Variants in PLCB1 observed in about 807,000 individuals in gnomAD.
PLCB1 encodes phospholipase C beta 1.
PLCB1 carries 46 observed loss-of-function variants against 161.8 expected under a neutral mutation model. The observed-to-expected ratio is 0.28, with a 90% CI of 0.22 to 0.36. The LOEUF is 0.36. PLCB1 is among the 10% of genes least tolerant of loss of function. The probability of loss-of-function intolerance (pLI) is 1.00; values close to 1 mark genes in which losing one functional copy is unlikely to be tolerated. For missense variants in PLCB1, 1,016 were observed against 1,472.5 expected (o/e 0.69, Z 5.07); for synonymous variants, 517 against 503.7 (o/e 1.03, Z -0.35).
At chr20:8,258,291 A>G (rs1981525753) in intron 2 of PLCB1, among the ~76,000 whole-genome samples, 1 of 152,188 alleles carries the variant, frequency 6.6e-6, no homozygotes, top group East Asian at 1.9e-4. Flanking sequence ...CCACAAAGAA[A>G]AGAAAGTGAT....
chr20:8,242,558 A>G (rs1980674584), intron 2 of PLCB1, among the ~76,000 whole-genome samples: 1 of 151,946 alleles, frequency 6.6e-6, no homozygotes, highest in Non-Finnish European at 1.5e-5. Context: ...TGTTTGATAT[A>G]TGGCAAGTTG....
At chr20:8,426,675 G>A (rs1979790017) in intron 3 of PLCB1, among the ~76,000 whole-genome samples, 1 of 152,138 alleles carries the variant, frequency 6.6e-6, no homozygotes, top group Admixed American at 6.6e-5. Context: ...TGTTAAATAA[G>A]TAGGTTTTAG....
intron 3 of PLCB1, among the ~76,000 whole-genome samples, chr20:8,474,917 G>A (rs995902925): frequency 2.0e-5 from 3 of 151,644 alleles, no homozygotes; most frequent in Admixed American, 1.3e-4. Context: ...CCTGAAGTTC[G>A]CCAGGTATGA....
At chr20:8,864,047 T>C (rs6086662) in intron 31 of PLCB1, among the ~76,000 whole-genome samples, 45,389 of 152,120 alleles carry the variant, frequency 0.3, 7,771 homozygotes, top group East Asian at 0.65. Context: ...ATGTTTTATT[T>C]TTCTTGGCAT....
chr20:8,547,345 A>G (rs6086496), intron 3 of PLCB1, among the ~76,000 whole-genome samples: 47,332 of 152,014 alleles, frequency 0.31, 8,038 homozygotes, highest in Non-Finnish European at 0.38. Flanking sequence ...CTAATTGTCC[A>G]CCACAGATTT....
chr20:8,213,294 G>T (rs894893618), intron 2 of PLCB1, among the ~76,000 whole-genome samples: 1 of 152,184 alleles, frequency 6.6e-6, no homozygotes. Context: ...TGCGAAGGGT[G>T]AATACAGAAG....
Position 8,746,681 on chromosome 20 carries a change from A to G in PLCB1, c.2523+5108A>G, listed in dbSNP as rs188002512. ...ACTGTATTCACTCACTTAAGTCTTAAAACCTCCGGATGTCCTAATTACCAT... is the reference window on the plus strand; with the variant it reads ...ACTGTATTCACTCACTTAAGTCTTAGAACCTCCGGATGTCCTAATTACCAT... On this transcript the variant is annotated intron_variant, in intron 23 of 31. Transcript: ENST00000338037. 4.1e-4 allele frequency among the ~76,000 whole-genome samples: 62 copies of G among 152,274 alleles called. No homozygotes were observed. The East Asian group carries it at 8.9e-3, about 22-fold the overall frequency.
intron 3 of PLCB1, among the ~76,000 whole-genome samples, chr20:8,585,547 G>T (rs911887381): frequency 6.6e-6 from 1 of 152,142 alleles, no homozygotes; most frequent in Admixed American, 6.5e-5. Context: ...CTACCATATC[G>T]GTTCATGTCT....
intron 3 of PLCB1, among the ~76,000 whole-genome samples, chr20:8,476,469 C>T (rs1416972673): frequency 1.3e-5 from 2 of 152,192 alleles, no homozygotes; most frequent in African/African-American, 4.8e-5. Flanking sequence ...TAATATTCTA[C>T]TCATATTATT....
intron 1 of PLCB1, among the ~76,000 whole-genome samples, chr20:8,139,155 C>T (rs1279387850): frequency 3.6e-5 from 5 of 137,216 alleles, no homozygotes; most frequent in South Asian, 2.4e-4. Flanking sequence ...GGCACCATCT[C>T]GGCTCACTGC....
chr20:8,148,940 T>C (rs1600199012), intron 1 of PLCB1, among the ~76,000 whole-genome samples: 2 of 152,302 alleles, frequency 1.3e-5, no homozygotes, highest in East Asian at 3.9e-4. Context: ...GAGGAGTTAG[T>C]GTTTAATGCA....
At chr20:8,871,627 A>C (rs529445355) in intron 31 of PLCB1, among the ~76,000 whole-genome samples, 4 of 152,300 alleles carry the variant, frequency 2.6e-5, no homozygotes, top group African/African-American at 9.6e-5. Flanking sequence ...AGGGCCTTGC[A>C]TGGGTCAGAG....
At chr20:8,502,660 G>T (rs1191866987) in intron 3 of PLCB1, among the ~76,000 whole-genome samples, 1 of 151,982 alleles carries the variant, frequency 6.6e-6, no homozygotes, top group African/African-American at 2.4e-5. Context: ...TCCATTTTTG[G>T]TTCTTGTTAG....
At chr20:8,272,419 A>T (rs767907870) in intron 2 of PLCB1, among the ~76,000 whole-genome samples, 1 of 152,136 alleles carries the variant, frequency 6.6e-6, no homozygotes, top group Non-Finnish European at 1.5e-5. Context: ...GAGCTTTATT[A>T]TGGTGACCAG....
intron 2 of PLCB1, chr20:8,249,385 T>C (rs943441040): frequency 8.6e-5 from 13 of 151,910 alleles, no homozygotes; most frequent in African/African-American, 2.9e-4. Context: ...ATTTTCGAGG[T>C]AAGTTAATAA....
intron 2 of PLCB1, among the ~76,000 whole-genome samples, chr20:8,204,337 T>A (rs762526793): frequency 1.1e-4 from 17 of 152,110 alleles, no homozygotes; most frequent in South Asian, 4.1e-4. Context: ...ATGTTAGTGG[T>A]GTGATCATTC....
chr20:8,680,704 T>G (rs6133602), intron 9 of PLCB1, among the ~76,000 whole-genome samples: 12,407 of 152,134 alleles, frequency 0.082, 708 homozygotes, highest in East Asian at 0.17. Flanking sequence ...CTTATTCAAG[T>G]TTAGGTAAAT....
intron 31 of PLCB1, among the ~76,000 whole-genome samples, chr20:8,815,366 T>G (rs76415136): frequency 6.6e-6 from 1 of 152,186 alleles, no homozygotes; most frequent in African/African-American, 2.4e-5. Context: ...GTGTTCAGAC[T>G]GTAGTGCCAT....
intron 2 of PLCB1, among the ~76,000 whole-genome samples, chr20:8,209,950 A>G (rs1032044213): frequency 1.3e-5 from 2 of 151,946 alleles, no homozygotes; most frequent in Admixed American, 6.6e-5. Flanking sequence ...TGATCCTCCC[A>G]CCTTAGCTTT....
Sources: allele counts gnomAD v4.1 joint callset (sites outside exome capture counted in the v4.1 genomes callset), GRCh38; gene constraint gnomAD v4.1.1; transcripts MANE v1.5; gene names NCBI Gene and HGNC (gene_info 2026-07-23, HGNC 2026-07-21).